The following CYP1A2 variants were observed in gnomAD, a reference collection of about 807,000 sequenced individuals.
The protein encoded by CYP1A2 is cytochrome P450 1A2.
Under a neutral mutation model 34.7 loss-of-function variants are expected in CYP1A2, and 35 were observed. The ratio of observed to expected loss-of-function variants is 1.01; its 90% CI spans 0.77 to 1.34. CYP1A2 has a LOEUF of 1.34. Ranked by LOEUF, CYP1A2 falls within the 40% of genes most tolerant of loss-of-function variation. CYP1A2 has a pLI of 0.00. For missense variants in CYP1A2, 675 were observed against 675.8 expected, an observed-to-expected ratio of 1.00 and a Z score of 0.01; for synonymous variants, 288 against 281.9, an observed-to-expected ratio of 1.02 and a Z score of -0.22.
At position 74,754,959 on chromosome 15, in the gene CYP1A2, C is replaced by T. The variant is rs756110905; in HGVS notation, c.1422C>T (p.Ile474=). 6.8e-6 allele frequency: 11 copies of T among 1,614,256 alleles called. 1 individual carries two copies. Among genetic ancestry groups the T allele is most frequent in the Middle Eastern group, 1.6e-4 (1 of 6,062 alleles). Reference sequence around the variant, plus strand: ...GGGAGATCTTCCTCTTCCTGGCCATCCTGCTACAGCAACTGGAGTTCAGCG... The same window carrying T: ...GGGAGATCTTCCTCTTCCTGGCCATTCTGCTACAGCAACTGGAGTTCAGCG... ...AKWEIFLFLA[I]LLQQLEFSVP... is the part of the protein sequence containing the mutation. Residue 474 remains isoleucine (I), a synonymous_variant, in exon 7 of 7, where the codon ATC becomes ATT. Transcript: ENST00000343932.
chr15:74,751,193 G>T lies in CYP1A2; in HGVS notation c.836G>T (p.Ser279Ile). 3.1e-6 allele frequency: 5 copies of T among 1,614,092 alleles called. No individual in the cohort carries two copies. In the South Asian group the frequency reaches 4.4e-5, roughly 14 times the overall value. The change falls in exon 3 of 7, where the codon AGT (serine) becomes ATT (isoleucine). Residue 279 changes from serine to isoleucine, a missense_variant. Physicochemically the swap from Ser to Ile is moderately radical, Grantham distance 142. Coordinates refer to ENST00000343932, the MANE Select transcript of CYP1A2 (RefSeq NM_000761.5). ...CCTAAGCTTGTGCCCCCTCAGAACA[G>T]TGTCCGGGACATCACGGGTGCCCTG... The part of the protein sequence containing the change: ...QEHYQDFDKN[S>I]VRDITGALFK...
chr15:74,751,100 G>A, intron 2 of CYP1A2, 89 bp from the exon 3 acceptor site: 7 of 1,541,684 alleles, frequency 4.5e-6, no homozygotes, highest in Non-Finnish European at 6.1e-6. Context: ...GGGGTACCCA[G>A]CCACCAGGTA....
At chr15:74,751,976 C>A in intron 4 of CYP1A2, 122 bp downstream of exon 4, 1 of 1,502,336 alleles carries the variant, frequency 6.7e-7, no homozygotes, top group Non-Finnish European at 9.1e-7. Context: ...GTAGTGCCTG[C>A]CCTTGCCTAG....
At chr15:74,754,731 G>A (rs2063330118) in intron 6 of CYP1A2, 60 bp from the exon 7 acceptor site, 1 of 1,551,130 alleles carries the variant, frequency 6.4e-7, no homozygotes, top group Non-Finnish European at 8.8e-7. Context: ...CCCTCCCCCA[G>A]GCACCTCCTC....
chr15:74,751,101 C>A (rs1417910844), intron 2 of CYP1A2, 88 bp from the exon 3 acceptor site: 2 of 1,537,636 alleles, frequency 1.3e-6, no homozygotes, highest in African/African-American at 2.8e-5. Flanking sequence ...GGGTACCCAG[C>A]CACCAGGTAC....
rs1314644872 is a variant in CYP1A2, at chr15:74,754,884, G to T, written c.1347G>T (p.Met449Ile). The T allele has an allele frequency of 1.2e-6, 2 of 1,614,234 alleles. No individual in the cohort carries two copies. Among genetic ancestry groups the T allele is most frequent in the South Asian group, 2.2e-5 (2 of 91,086 alleles). Residue 449 changes from methionine to isoleucine, a missense_variant, in exon 7 of 7, where the codon ATG (methionine) becomes ATT (isoleucine). By Grantham distance (10) the Met-to-Ile change is conservative (BLOSUM62 1). Coordinates refer to ENST00000343932, the MANE Select transcript of CYP1A2 (RefSeq NM_000761.5). ...ACAAGCCCTTGAGTGAGAAGATGAT[G>T]CTGTTTGGCATGGGCAAGCGCCGGT... ...AINKPLSEKM[M>I]LFGMGKRRCI... is the part of the protein sequence containing the mutation.
rs756936781 is a variant in CYP1A2, at chr15:74,751,262, T to A, written c.905T>A (p.Ile302Asn). Reference sequence around the variant, plus strand: ...GGGCCTAGAGCCAGCGGCAACCTCATCCCACAGGAGAAGATTGTCAACCTT... The same window carrying A: ...GGGCCTAGAGCCAGCGGCAACCTCAACCCACAGGAGAAGATTGTCAACCTT... ...KKGPRASGNL[I>N]PQEKIVNLVN... The change falls in exon 3 of 7, where the codon ATC becomes AAC. Residue 302 changes from isoleucine (I) to asparagine (N), a missense_variant. Ile to Asn is a moderately radical substitution (Grantham distance 149). Coordinates refer to ENST00000343932, the MANE Select transcript of CYP1A2 (RefSeq NM_000761.5). 6.2e-7 allele frequency: 1 copy of A among 1,614,134 alleles called. No individual in the cohort carries two copies. Among genetic ancestry groups the A allele is most frequent in the Non-Finnish European group, 8.5e-7 (1 of 1,179,994 alleles).
intron 6 of CYP1A2, 37 bp downstream of exon 6, chr15:74,753,307 T>C (rs1596358804): frequency 6.4e-7 from 1 of 1,556,706 alleles, no homozygotes; most frequent in Non-Finnish European, 8.9e-7. Flanking sequence ...TGTGTGCAGG[T>C]TCAGCAGTCA....
intron 3 of CYP1A2, 145 bp from the exon 4 acceptor site, chr15:74,751,620 A>C: frequency 1.2e-6 from 1 of 850,864 alleles, no homozygotes; most frequent in South Asian, 1.7e-5. Context: ...TTTATGTTGA[A>C]GAGACCCAGC....
intron 1 of CYP1A2, among the ~76,000 whole-genome samples, chr15:74,749,354 G>A (rs1434763508): frequency 6.6e-6 from 1 of 152,188 alleles, no homozygotes. Flanking sequence ...GCACTGGCAG[G>A]GACTCTTTGG....
At position 74,755,064 on chromosome 15, in the gene CYP1A2, G is replaced by A. The variant is rs771395182; in HGVS notation, c.1527G>A (p.Ala509=). Residue 509 remains alanine (A), a synonymous_variant, in exon 7 of 7, where the codon GCG becomes GCA. Coordinates refer to ENST00000343932, the MANE Select transcript of CYP1A2 (RefSeq NM_000761.5). Reference sequence around the variant, plus strand: ...ACGCCCGCTGTGAACATGTCCAGGCGCGGCTGCGCTTCTCCATCAATTGAA... The same window carrying A: ...ACGCCCGCTGTGAACATGTCCAGGCACGGCTGCGCTTCTCCATCAATTGAA... The part of the protein sequence containing the change: ...MKHARCEHVQ[A]RLRFSIN The A allele has an allele frequency of 1.7e-5, 27 of 1,609,770 alleles. No homozygotes were observed. In the South Asian group the frequency reaches 2.5e-4, roughly 15 times the overall value.
In CYP1A2 at chr15:74,755,309, A is replaced by C. The variant is rs1034878678; in HGVS notation, c.*221A>C. On this transcript the variant is annotated 3_prime_UTR_variant, in exon 7 of 7. Coordinates refer to ENST00000343932, the MANE Select transcript of CYP1A2 (RefSeq NM_000761.5). ...GTGGGACCCTGTCTCTACAAAAAAAAAATTTGCCAAGAGCCTGAGTGACAG... is the reference window on the plus strand; with the variant it reads ...GTGGGACCCTGTCTCTACAAAAAAACAATTTGCCAAGAGCCTGAGTGACAG... 38 of 491,904 alleles carry C rather than the reference A, an allele frequency of 7.7e-5. No homozygotes were observed. The highest frequency in any genetic ancestry group is 7.2e-4 in the African/African-American group (37 of 51,726). 30.5% of individuals were successfully genotyped at this position (491,904 alleles called of 1,614,324 possible).
chr15:74,751,386 T>G, intron 3 of CYP1A2, 77 bp downstream of exon 3: 1 of 1,580,962 alleles, frequency 6.3e-7, no homozygotes, highest in Non-Finnish European at 8.6e-7. Context: ...CCTCAGTCCA[T>G]GAAATAACCC....
chr15:74,753,036 T>A (rs1052509965), intron 5 of CYP1A2, 148 bp from the exon 6 acceptor site: 1 of 579,544 alleles, frequency 1.7e-6, no homozygotes, highest in African/African-American at 1.9e-5. Flanking sequence ...AGGGAGGATG[T>A]TTCTACCTCT....
At position 74,750,579 on chromosome 15, in the gene CYP1A2, G is replaced by C; in HGVS notation, c.831+10G>C. The C allele has an allele frequency of 6.2e-7, 1 of 1,609,610 alleles. No individual in the cohort carries two copies. ...TCAGGACTTTGACAAGGTGAGCCCGGGGTGCAGGTGGCAAGGGGCACCTTG... is the reference window on the plus strand; with the variant it reads ...TCAGGACTTTGACAAGGTGAGCCCGCGGTGCAGGTGGCAAGGGGCACCTTG... On this transcript the variant is annotated intron_variant, in intron 2 of 6. Transcript: ENST00000343932.
At position 74,755,173 on chromosome 15, in the gene CYP1A2, T is replaced by C; in HGVS notation, c.*85T>C. 6.8e-7 allele frequency: 1 copy of C among 1,465,302 alleles called. No homozygotes were observed. Among genetic ancestry groups the C allele is most frequent in the South Asian group, 1.3e-5 (1 of 76,212 alleles). The allele number at this position is 1,465,302 out of a possible 1,614,324, so 90.8% of individuals were successfully genotyped here. On this transcript the variant is annotated 3_prime_UTR_variant, in exon 7 of 7. Transcript: ENST00000343932. ...CCTTGTTTCTCTTCCTTTCTTTTTT[T>C]AAAAAATAGCAGCTTTAGCCAAGTG...
Position 74,754,899 on chromosome 15 carries a change from C to T in CYP1A2, c.1362C>T (p.Gly454=). The T allele has an allele frequency of 6.2e-7, 1 of 1,614,240 alleles. No homozygotes were observed. The highest frequency in any genetic ancestry group is 8.5e-7 in the Non-Finnish European group (1 of 1,180,056). The change falls in exon 7 of 7, where the codon GGC becomes GGT. Residue 454 remains glycine (G), a synonymous_variant. Coordinates refer to ENST00000343932, the MANE Select transcript of CYP1A2 (RefSeq NM_000761.5). ...AGAAGATGATGCTGTTTGGCATGGGCAAGCGCCGGTGTATCGGGGAAGTCC... is the reference window on the plus strand; with the variant it reads ...AGAAGATGATGCTGTTTGGCATGGGTAAGCGCCGGTGTATCGGGGAAGTCC... ...LSEKMMLFGM[G]KRRCIGEVLA...
intron 6 of CYP1A2, among the ~76,000 whole-genome samples, chr15:74,754,456 A>G (rs1222907427): frequency 6.6e-6 from 1 of 150,616 alleles, no homozygotes; most frequent in African/African-American, 2.4e-5. Flanking sequence ...AAATACAAAA[A>G]TTAGCCGGAT....
In CYP1A2 at chr15:74,756,136, G is replaced by A. The variant is rs1031877647; in HGVS notation, c.*1048G>A. On this transcript the variant is annotated 3_prime_UTR_variant, in exon 7 of 7. Coordinates refer to ENST00000343932, the MANE Select transcript of CYP1A2 (RefSeq NM_000761.5). ...CAGCCTTTTTGTTTTTTTTTTTTTT[G>A]AGACAGAGTCTTCCTCTGTCTCCTA... 2.2e-5 allele frequency: 2 copies of A among 89,140 alleles called. No individual in the cohort carries two copies. The highest frequency in any genetic ancestry group is 4.5e-5 in the Non-Finnish European group (2 of 44,894). The allele number at this position is 89,140 out of a possible 1,614,324, so 5.5% of individuals were successfully genotyped here.
Sources: allele counts gnomAD v4.1 joint callset (sites outside exome capture counted in the v4.1 genomes callset), GRCh38; gene constraint gnomAD v4.1.1; transcripts MANE v1.5; gene names NCBI Gene and HGNC (gene_info 2026-07-23, HGNC 2026-07-21).